The following DCDC1 variants were observed in gnomAD, a reference collection of about 807,000 sequenced individuals.
DCDC1 encodes the protein doublecortin domain-containing protein 1.
Under a neutral mutation model 178.3 loss-of-function variants are expected in DCDC1, and 200 were observed. The ratio of observed to expected loss-of-function variants is 1.12; its 90% CI spans 1.00 to 1.26. DCDC1 has a LOEUF of 1.26. Among genes scored for constraint, DCDC1 ranks in the 50% most tolerant of loss-of-function variants. The pLI, the probability that DCDC1 is intolerant of heterozygous loss-of-function variation, is 0.00. For synonymous variants in DCDC1, 690 were observed against 604.8 expected (o/e 1.14, Z -2.07); for missense variants, 1,983 against 1,749.2 (o/e 1.13, Z -2.38).
intron 9 of DCDC1, among the ~76,000 whole-genome samples, chr11:31,234,344 A>G (rs1203795134): frequency 6.6e-6 from 1 of 152,204 alleles, no homozygotes; most frequent in Non-Finnish European, 1.5e-5. Context: ...AATGAATTTT[A>G]TTATTTGAAA....
At chr11:31,246,217 C>T (rs553003565) in intron 8 of DCDC1, among the ~76,000 whole-genome samples, 5 of 152,036 alleles carry the variant, frequency 3.3e-5, no homozygotes, top group South Asian at 2.1e-4. Flanking sequence ...AATTAAGTCA[C>T]GCCAATTAAA....
chr11:30,925,184 A>G (rs927716128), intron 23 of DCDC1, 125 bp downstream of exon 23: 1 of 810,760 alleles, frequency 1.2e-6, no homozygotes, highest in Non-Finnish European at 2.0e-6. Context: ...TTGCTCAGTT[A>G]GGATAATTCT....
intron 9 of DCDC1, among the ~76,000 whole-genome samples, chr11:31,145,747 T>C (rs899445707): frequency 6.6e-5 from 10 of 152,218 alleles, no homozygotes; most frequent in Admixed American, 1.3e-4. Context: ...CAAGATGTTT[T>C]GGAGAATTCA....
chr11:31,310,210 T>C (rs1457663555), intron 3 of DCDC1, among the ~76,000 whole-genome samples: 1 of 152,030 alleles, frequency 6.6e-6, no homozygotes, highest in Admixed American at 6.6e-5. Flanking sequence ...GAAGGGGTAG[T>C]TTTTTATGTT....
intron 9 of DCDC1, among the ~76,000 whole-genome samples, chr11:31,221,697 G>A (rs1974290309): frequency 6.6e-6 from 1 of 152,158 alleles, no homozygotes; most frequent in South Asian, 2.1e-4. Context: ...AGCTAATTAA[G>A]TTTATGAATC....
chr11:30,888,899 A>G (rs1943543159), intron 36 of DCDC1, among the ~76,000 whole-genome samples: 1 of 152,100 alleles, frequency 6.6e-6, no homozygotes. Context: ...CCCACAGTCT[A>G]TTTTCTGAGT....
intron 25 of DCDC1, 146 bp from the exon 26 acceptor site, chr11:30,917,174 T>C (rs1351468807): frequency 1.7e-5 from 11 of 644,394 alleles, no homozygotes. Flanking sequence ...ATACTGGAAA[T>C]TCACATCTCA....
intron 9 of DCDC1, among the ~76,000 whole-genome samples, chr11:31,213,103 CTCTCTCTCTCTCTCTCT>C (rs1565441794): frequency 3.2e-4 from 5 of 15,576 alleles, no homozygotes; most frequent in African/African-American, 8.6e-4. Context: ...AGCCCAGCCT[CTCTCTCTCTCTCTCTCT>C]CTCTCTCTCT....
chr11:30,961,461 T>A (rs1352721909), intron 20 of DCDC1, among the ~76,000 whole-genome samples: 1 of 151,944 alleles, frequency 6.6e-6, no homozygotes, highest in Non-Finnish European at 1.5e-5. Flanking sequence ...CTAACAAACA[T>A]GAGGGTTAAA....
chr11:31,103,994 G>C (rs922653569), intron 13 of DCDC1, among the ~76,000 whole-genome samples: 2 of 152,032 alleles, frequency 1.3e-5, no homozygotes, highest in East Asian at 3.8e-4. Context: ...TTCAACATAT[G>C]TAATTTAAAA....
intron 9 of DCDC1, among the ~76,000 whole-genome samples, chr11:31,200,633 T>TA (rs1328690976): frequency 3.3e-5 from 5 of 152,018 alleles, no homozygotes; most frequent in Non-Finnish European, 7.4e-5. Context: ...CTTTTTACAT[T>TA]AAAAAATAAT....
At position 31,008,591 on chromosome 11, in the gene DCDC1, C is replaced by T. The variant is rs180900103; in HGVS notation, c.2591+55878G>A. Among the ~76,000 whole-genome samples, 6 of 152,250 alleles carry T rather than the reference C, an allele frequency of 3.9e-5. No homozygotes were observed. In the East Asian group the frequency reaches 5.8e-4, roughly 15 times the overall value. Reference sequence around the variant, plus strand: ...AACAGTTTCTTGGGACCAGACATTCCGCCTCAGTTTCTTTTGTAAAACACA... The same window carrying T: ...AACAGTTTCTTGGGACCAGACATTCTGCCTCAGTTTCTTTTGTAAAACACA... On this transcript the variant is annotated intron_variant, in intron 20 of 38. Transcript: ENST00000684477.
At chr11:31,149,780 A>T (rs569292874) in intron 9 of DCDC1, among the ~76,000 whole-genome samples, 1 of 152,048 alleles carries the variant, frequency 6.6e-6, no homozygotes, top group Admixed American at 6.6e-5. Context: ...AGTCAGCAAG[A>T]CCACGAACCC....
At chr11:31,364,880 C>T (rs552040009) in intron 1 of DCDC1, among the ~76,000 whole-genome samples, 4 of 151,680 alleles carry the variant, frequency 2.6e-5, no homozygotes, top group Admixed American at 1.3e-4. Context: ...TCATCCTAGT[C>T]ATTCACCTCT....
intron 7 of DCDC1, among the ~76,000 whole-genome samples, chr11:31,268,747 G>C (rs988702481): frequency 5.3e-5 from 8 of 152,176 alleles, no homozygotes; most frequent in African/African-American, 1.9e-4. Flanking sequence ...CCAGTAATGG[G>C]ATTGCTGGGT....
At position 30,975,709 on chromosome 11, in the gene DCDC1, A is replaced by G. The variant is rs947155453; in HGVS notation, c.2592-23141T>C. 5.3e-5 allele frequency among the ~76,000 whole-genome samples: 8 copies of G among 152,130 alleles called. No homozygotes were observed. The East Asian group carries it at 1.2e-3, about 22-fold the overall frequency. On this transcript the variant is annotated intron_variant, in intron 20 of 38. Coordinates refer to ENST00000684477, the MANE Select transcript of DCDC1 (RefSeq NM_001387274.1). ...ACAATACACTGATGAAAGAAAATGA[A>G]GGGGACACAAACAAATGGAAAGACA...
chr11:30,960,175 T>C (rs1020611245), intron 20 of DCDC1, among the ~76,000 whole-genome samples: 3 of 152,276 alleles, frequency 2.0e-5, no homozygotes, highest in Middle Eastern at 3.4e-3. Flanking sequence ...CAAGTATAAA[T>C]ATATAATAGA....
In DCDC1 at chr11:30,926,748, A is replaced by G. The variant is rs560138944; in HGVS notation, c.2898-1340T>C. Among the ~76,000 whole-genome samples the G allele has an allele frequency of 7.9e-5, 12 of 152,302 alleles. No homozygotes were observed. The East Asian group carries it at 2.3e-3, about 29-fold the overall frequency. On this transcript the variant is annotated intron_variant, in intron 22 of 38. Transcript: ENST00000684477. ...TTCTAAATTTTATATCCTCAATGGG[A>G]TAAAGCAATTAAACAGATAATCAGG...
At position 31,232,963 on chromosome 11, in the gene DCDC1, C is replaced by T. The variant is rs929014899; in HGVS notation, c.1221+8487G>A. 3.3e-5 allele frequency among the ~76,000 whole-genome samples: 5 copies of T among 152,134 alleles called. No homozygotes were observed. The South Asian group carries it at 1.0e-3, about 32-fold the overall frequency. On this transcript the variant is annotated intron_variant, in intron 9 of 38. Transcript: ENST00000684477. ...ATTAGCCGGGCATGGTGGCATGTGCCTGTAACGCCAGCTACTCGGGAGGCT... is the reference window on the plus strand; with the variant it reads ...ATTAGCCGGGCATGGTGGCATGTGCTTGTAACGCCAGCTACTCGGGAGGCT...
Sources: allele counts gnomAD v4.1 joint callset (sites outside exome capture counted in the v4.1 genomes callset), GRCh38; gene constraint gnomAD v4.1.1; transcripts MANE v1.5; gene names NCBI Gene and HGNC (gene_info 2026-07-23, HGNC 2026-07-21).